The following RIMS1 variants were observed in gnomAD, a reference collection of about 807,000 sequenced individuals.
RIMS1 encodes regulating synaptic membrane exocytosis protein 1.
In RIMS1, 83 loss-of-function variants were observed where a neutral mutation model predicts 214.1. The ratio of observed to expected loss-of-function variants is 0.39; its 90% CI spans 0.32 to 0.47. The LOEUF (loss-of-function observed/expected upper bound fraction) is 0.47, where lower values mean the gene tolerates loss of function less well. RIMS1 is among the 20% of genes least tolerant of loss of function. RIMS1 has a pLI of 0.99. For missense variants in RIMS1, 2,050 were observed against 2,161.8 expected (o/e 0.95, Z 1.03); for synonymous variants, 793 against 786.8 (o/e 1.01, Z -0.13).
intron 2 of RIMS1, among the ~76,000 whole-genome samples, chr6:72,032,146 G>A (rs1307114064): frequency 6.6e-6 from 1 of 151,998 alleles, no homozygotes; most frequent in Non-Finnish European, 1.5e-5. Context: ...GTGTAGGGGT[G>A]TGTGTTTGTG....
At chr6:72,205,477 T>C (rs932350965) in intron 6 of RIMS1, among the ~76,000 whole-genome samples, 12 of 152,228 alleles carry the variant, frequency 7.9e-5, no homozygotes, top group Admixed American at 7.2e-4. Flanking sequence ...TTAGGGACTT[T>C]GGGGAAACTG....
In RIMS1 at chr6:72,338,597, T is replaced by C. The variant is rs982513584; in HGVS notation, c.4366+4762T>C. Among the ~76,000 whole-genome samples the C allele has an allele frequency of 7.2e-5, 11 of 152,104 alleles. No individual in the cohort carries two copies. The East Asian group carries it at 9.7e-4, about 13-fold the overall frequency. On this transcript the variant is annotated intron_variant, in intron 29 of 33. Transcript: ENST00000521978. ...TGACAAAGGGCTAATATCCAGCATC[T>C]ACAATGAACTTAAACAAATTTACAA...
chr6:72,013,812 T>A (rs951181915), intron 2 of RIMS1, among the ~76,000 whole-genome samples: 1 of 152,200 alleles, frequency 6.6e-6, no homozygotes, highest in Non-Finnish European at 1.5e-5. Context: ...TGTGCAACCT[T>A]CACCACTATG....
intron 26 of RIMS1, among the ~76,000 whole-genome samples, chr6:72,292,980 C>CG (rs2154254438): frequency 6.6e-6 from 1 of 151,770 alleles, no homozygotes; most frequent in East Asian, 1.9e-4. Flanking sequence ...ATTGAGGGTA[C>CG]GGGGGTACAT....
intron 29 of RIMS1, among the ~76,000 whole-genome samples, chr6:72,368,366 A>G (rs1025240076): frequency 1.4e-5 from 2 of 144,664 alleles, no homozygotes; most frequent in Admixed American, 7.1e-5. Flanking sequence ...CAGTGGCGCA[A>G]TCTCGGCTCA....
At chr6:71,968,150 T>C (rs1794940472) in intron 1 of RIMS1, among the ~76,000 whole-genome samples, 1 of 152,226 alleles carries the variant, frequency 6.6e-6, no homozygotes, top group Admixed American at 6.5e-5. Flanking sequence ...AAGCCATGTT[T>C]ATTTTAAAGC....
At chr6:72,245,951 A>AT in intron 11 of RIMS1, 90 bp downstream of exon 11, 1 of 929,718 alleles carries the variant, frequency 1.1e-6, no homozygotes, top group Non-Finnish European at 1.7e-6. Flanking sequence ...GATATAATGA[A>AT]TTGGGGTTAC....
At chr6:72,342,931 G>A (rs1025790144) in intron 29 of RIMS1, among the ~76,000 whole-genome samples, 1 of 151,692 alleles carries the variant, frequency 6.6e-6, no homozygotes, top group Admixed American at 6.6e-5. Context: ...TGAGTCAGAG[G>A]CTGCTTGATC....
At chr6:72,109,574 T>G (rs1343098204) in intron 4 of RIMS1, among the ~76,000 whole-genome samples, 1 of 150,930 alleles carries the variant, frequency 6.6e-6, no homozygotes, top group African/African-American at 2.4e-5. Flanking sequence ...TAAATTTGTT[T>G]GAGTTCATTG....
intron 28 of RIMS1, 39 bp downstream of exon 28, chr6:72,313,711 T>G (rs1202066655): frequency 1.3e-6 from 2 of 1,549,768 alleles, no homozygotes; most frequent in South Asian, 2.4e-5. Context: ...TGGATCTTTA[T>G]CTGTGATATA....
intron 6 of RIMS1, among the ~76,000 whole-genome samples, chr6:72,220,450 C>A (rs1175267946): frequency 1.3e-5 from 2 of 152,048 alleles, no homozygotes; most frequent in South Asian, 4.1e-4. Context: ...GGTTTATAAT[C>A]CTTTCCTTAA....
In RIMS1 at chr6:72,183,137, G is replaced by A. The variant is rs1482800856; in HGVS notation, c.1666G>A (p.Val556Ile). The change falls in exon 6 of 34, where the codon GTC (valine) becomes ATC (isoleucine). Residue 556 changes from valine (V) to isoleucine (I), a missense_variant. By Grantham distance (29) the Val-to-Ile change is conservative. Around this residue, in one of 6 missense-constraint regions of RIMS1, gnomAD observed 882 missense variants for 828.9 expected, o/e 1.06. Transcript: ENST00000521978. ...GGACGTGGAGCTGGAGAGCGAGAGC[G>A]TCAGCGAGAAAGGTAAGGGGGCGGC... is the stretch of plus-strand genomic sequence containing the variant. ...CEDVELESES[V>I]SEKGDLDYYW... 21 of 1,591,416 alleles carry A rather than the reference G, an allele frequency of 1.3e-5. No individual in the cohort carries two copies. Among genetic ancestry groups the A allele is most frequent in the Admixed American group, 1.8e-5 (1 of 56,482 alleles).
intron 28 of RIMS1, among the ~76,000 whole-genome samples, chr6:72,314,813 A>G (rs2154297892): frequency 6.6e-6 from 1 of 152,298 alleles, no homozygotes; most frequent in African/African-American, 2.4e-5. Context: ...AGAATGTAAT[A>G]AATAGGATGT....
rs545193502 is a variant in RIMS1 at position 71,903,760 on chromosome 6, GT to G, written c.164+16583del. ...ATAAGGATTAGTAGTGTGTGTGTGT[GT>G]TTTTTTTTTCCCTACATGGAATTTG... On this transcript the variant is annotated intron_variant, in intron 1 of 33. Coordinates refer to ENST00000521978, the MANE Select transcript of RIMS1 (RefSeq NM_014989.7). 8.6e-4 allele frequency among the ~76,000 whole-genome samples: 128 copies of G among 148,330 alleles called. 1 individual carries two copies. The highest frequency in any genetic ancestry group is 3.2e-3 in the Admixed American group (48 of 14,858).
At chr6:71,902,617 G>C (rs976772936) in intron 1 of RIMS1, among the ~76,000 whole-genome samples, 1 of 151,922 alleles carries the variant, frequency 6.6e-6, no homozygotes, top group African/African-American at 2.4e-5. Flanking sequence ...GCTGCACTCA[G>C]ATCAACCCAC....
intron 4 of RIMS1, among the ~76,000 whole-genome samples, chr6:72,176,607 G>T (rs1238688138): frequency 1.3e-5 from 2 of 152,024 alleles, no homozygotes; most frequent in Non-Finnish European, 2.9e-5. Flanking sequence ...TTTACTTTCA[G>T]TTTGGAGGAT....
intron 29 of RIMS1, among the ~76,000 whole-genome samples, chr6:72,362,079 C>G (rs968260714): frequency 3.3e-5 from 5 of 151,942 alleles, no homozygotes; most frequent in African/African-American, 9.7e-5. Context: ...GCAGAGGATT[C>G]CAAAGCACAC....
intron 2 of RIMS1, among the ~76,000 whole-genome samples, chr6:71,982,764 C>A (rs1043065897): frequency 1.3e-5 from 2 of 152,084 alleles, no homozygotes; most frequent in African/African-American, 4.8e-5. Context: ...GGGTTGGATA[C>A]CCCTTGGCCT....
intron 4 of RIMS1, among the ~76,000 whole-genome samples, chr6:72,109,568 T>C (rs1400536701): frequency 6.6e-6 from 1 of 150,914 alleles, no homozygotes; most frequent in African/African-American, 2.4e-5. Context: ...TTCTTGTAAA[T>C]TTGTTTGAGT....
Sources: allele counts gnomAD v4.1 joint callset (sites outside exome capture counted in the v4.1 genomes callset), GRCh38; gene constraint gnomAD v4.1.1; regional missense constraint gnomAD v4.1.1; transcripts MANE v1.5; gene names NCBI Gene and HGNC (gene_info 2026-07-23, HGNC 2026-07-21).